Variants in MYOF observed in about 807,000 individuals in gnomAD.
MYOF encodes the protein myoferlin, also known as fer-1-like 3, myoferlin.
Under a neutral mutation model 284.2 loss-of-function variants are expected in MYOF, and 244 were observed. The observed-to-expected ratio is 0.86, with a 90% CI of 0.77 to 0.95. MYOF has a LOEUF of 0.95. MYOF is among the 40% of genes least tolerant of loss of function. The pLI is 0.00. For synonymous variants in MYOF, 904 were observed against 919.7 expected, an observed-to-expected ratio of 0.98 and a Z score of 0.31; for missense variants, 2,496 against 2,560.6, an observed-to-expected ratio of 0.97 and a Z score of 0.54.
chr10:93,316,610 A>G, intron 50 of MYOF, 104 bp downstream of exon 50: 6 of 1,076,284 alleles, frequency 5.6e-6, no homozygotes, highest in Non-Finnish European at 8.4e-6. Flanking sequence ...GGCCCCCATT[A>G]CCAAAAAGTA....
intron 9 of MYOF, among the ~76,000 whole-genome samples, chr10:93,403,464 G>C (rs991089299): frequency 6.6e-6 from 1 of 152,184 alleles, no homozygotes; most frequent in Non-Finnish European, 1.5e-5. Flanking sequence ...TGGCAGACAG[G>C]GTATGAACAC....
At chr10:93,431,746 C>CTTTTT (rs35400002) in intron 3 of MYOF, among the ~76,000 whole-genome samples, 10 of 131,784 alleles carry the variant, frequency 7.6e-5, no homozygotes, top group Non-Finnish European at 8.0e-5. Context: ...TCTTTCTTTT[C>CTTTTT]TTTTTTTTTT....
intron 4 of MYOF, among the ~76,000 whole-genome samples, chr10:93,427,208 A>AC (rs377724964): frequency 0.15 from 19,795 of 135,720 alleles, 1,437 homozygotes; most frequent in Middle Eastern, 0.22. Flanking sequence ...AAAACAAAAC[A>AC]AAACAAAACA....
In MYOF at chr10:93,325,874, G is replaced by C. The variant is rs200608203; in HGVS notation, c.5223C>G (p.His1741Gln). The C allele has an allele frequency of 1.9e-6, 3 of 1,614,072 alleles. No individual in the cohort carries two copies. The highest frequency in any genetic ancestry group is 1.7e-5 in the Admixed American group (1 of 59,998). ...TGCTGTGCAAAGTCCTTGTTTCCAC[G>C]TGCTCAGGGACCAGCCCCTGAGTCC... ...ILRTQGLVPE[H>Q]VETRTLHSTF... The change falls in exon 46 of 54, where the codon CAC (histidine) becomes CAG (glutamine). Residue 1741 changes from histidine to glutamine, a missense_variant. Transcript: ENST00000359263.
At chr10:93,463,007 A>C (rs1361613343) in intron 1 of MYOF, among the ~76,000 whole-genome samples, 1 of 151,972 alleles carries the variant, frequency 6.6e-6, no homozygotes, top group Non-Finnish European at 1.5e-5. Context: ...ATAACAACTG[A>C]CTCAAATGCA....
intron 1 of MYOF, among the ~76,000 whole-genome samples, chr10:93,471,597 A>G (rs1204338558): frequency 3.3e-5 from 5 of 152,122 alleles, no homozygotes; most frequent in Admixed American, 6.5e-5. Context: ...CTTCCTAAAA[A>G]CGAAATGAAG....
At chr10:93,440,673 T>C (rs2056222255) in intron 3 of MYOF, among the ~76,000 whole-genome samples, 1 of 152,192 alleles carries the variant, frequency 6.6e-6, no homozygotes, top group African/African-American at 2.4e-5. Flanking sequence ...CATGAATAAA[T>C]TAGCTGATAC....
intron 5 of MYOF, among the ~76,000 whole-genome samples, chr10:93,413,706 T>C (rs557088146): frequency 1.3e-5 from 2 of 152,346 alleles, no homozygotes; most frequent in African/African-American, 4.8e-5. Context: ...ATGTATTCTC[T>C]GGCTAGGCGC....
intron 1 of MYOF, 129 bp downstream of exon 1, chr10:93,481,978 G>T: frequency 1.2e-6 from 1 of 833,912 alleles, no homozygotes; most frequent in Non-Finnish European, 1.9e-6. Flanking sequence ...CCTGTCCTGC[G>T]CAGGTAACAA....
Position 93,417,921 on chromosome 10 carries a change from T to G in MYOF, c.433+8150A>C, listed in dbSNP as rs184684480. ...CAAACAATCCTCCCACCTCAGCCCC[T>G]AGAGTGGCTGAAATTACAGACGTGC... On this transcript the variant is annotated intron_variant, in intron 5 of 53. Coordinates refer to ENST00000359263, the MANE Select transcript of MYOF (RefSeq NM_013451.4). Among the ~76,000 whole-genome samples, 69 of 152,214 alleles carry G rather than the reference T, an allele frequency of 4.5e-4. 1 individual carries two copies. The South Asian group carries it at 0.01, about 22-fold the overall frequency.
chr10:93,392,415 G>T (rs1846742417), intron 17 of MYOF, among the ~76,000 whole-genome samples: 1 of 152,128 alleles, frequency 6.6e-6, no homozygotes, highest in African/African-American at 2.4e-5. Context: ...ACAGTATTGA[G>T]CAAACTTGCA....
chr10:93,350,510 A>C (rs1014554958), intron 35 of MYOF, among the ~76,000 whole-genome samples: 1 of 152,070 alleles, frequency 6.6e-6, no homozygotes, highest in Non-Finnish European at 1.5e-5. Context: ...GCAGGGTTCC[A>C]CCATGTTGAC....
At chr10:93,312,303 C>T (rs1842422245) in intron 51 of MYOF, among the ~76,000 whole-genome samples, 1 of 151,764 alleles carries the variant, frequency 6.6e-6, no homozygotes, top group East Asian at 1.9e-4. Context: ...CCTTCTTATT[C>T]AACTAATGCC....
chr10:93,323,499 GGAAGAGA>G, intron 46 of MYOF, 141 bp from the exon 47 acceptor site: 1 of 752,666 alleles, frequency 1.3e-6, no homozygotes, highest in South Asian at 2.0e-5. Context: ...GGCAAGAAGT[GGAAGAGA>G]GCAAACCAAG....
chr10:93,321,224 A>T (rs1357633645), intron 48 of MYOF, among the ~76,000 whole-genome samples: 1 of 152,192 alleles, frequency 6.6e-6, no homozygotes, highest in East Asian at 1.9e-4. Context: ...TTCCCAGGTC[A>T]GTCTGATTGC....
At chr10:93,478,142 ATAT>A (rs58873758) in intron 1 of MYOF, 213,499 of 267,418 alleles carry the variant, frequency 0.8, 86,142 homozygotes, top group South Asian at 0.85. Context: ...GAAATTAAAA[ATAT>A]TATATTATTT....
rs766478030 is a variant in MYOF at position 93,351,671 on chromosome 10, G to A, written c.3657C>T (p.Asp1219=). Residue 1219 remains aspartate, a synonymous_variant, in exon 33 of 54, where the codon GAC becomes GAT. Coordinates refer to ENST00000359263, the MANE Select transcript of MYOF (RefSeq NM_013451.4). ...GAAATTCTAAACGACCTACCACTTG[G>A]TCATTGTCAAAAAGTTCCATGATAA... The part of the protein sequence containing the change: ...PKVIMELFDN[D]QVGKDEFLGR... 17 of 1,585,920 alleles carry A rather than the reference G, an allele frequency of 1.1e-5. 1 individual carries two copies. In the Admixed American group the frequency reaches 1.3e-4, roughly 12 times the overall value.
At chr10:93,441,689 G>A (rs570990574) in intron 3 of MYOF, among the ~76,000 whole-genome samples, 2 of 149,910 alleles carry the variant, frequency 1.3e-5, no homozygotes, top group East Asian at 2.0e-4. Flanking sequence ...TCAGCCTCCC[G>A]AGTAGCTGGG....
chr10:93,430,826 T>C (rs769430968), intron 4 of MYOF, among the ~76,000 whole-genome samples: 4 of 152,122 alleles, frequency 2.6e-5, no homozygotes, highest in Non-Finnish European at 4.4e-5. Context: ...ATTGAAAGTA[T>C]AAAATAAGGT....
Sources: allele counts gnomAD v4.1 joint callset (sites outside exome capture counted in the v4.1 genomes callset), GRCh38; gene constraint gnomAD v4.1.1; transcripts MANE v1.5; gene names NCBI Gene and HGNC (gene_info 2026-07-23, HGNC 2026-07-21).